Variants in TNRC6B observed in about 807,000 individuals in gnomAD.
TNRC6B encodes the protein trinucleotide repeat-containing gene 6B protein.
Under a neutral mutation model 203.6 loss-of-function variants are expected in TNRC6B, and 52 were observed. The observed-to-expected ratio is 0.26, with a 90% CI of 0.20 to 0.32. TNRC6B has a LOEUF of 0.32. TNRC6B is among the 10% of genes least tolerant of loss of function. The pLI, the probability that TNRC6B is intolerant of heterozygous loss-of-function variation, is 1.00. For missense variants in TNRC6B, 1,923 were observed against 2,286.2 expected, an observed-to-expected ratio of 0.84 and a Z score of 3.24; for synonymous variants, 838 against 845.7, an observed-to-expected ratio of 0.99 and a Z score of 0.16.
chr22:40,251,246 T>G (rs767717454), intron 3 of TNRC6B, 46 bp downstream of exon 3: 1 of 1,461,540 alleles, frequency 6.8e-7, no homozygotes, highest in South Asian at 1.3e-5. Context: ...CCTTTTGTGT[T>G]TAGCTTTTAC....
Position 40,070,883 on chromosome 22 carries a change from GC to G in TNRC6B, c.-121+25887del, listed in dbSNP as rs142370012. The stretch of plus-strand genomic sequence containing the variant: ...AGTCAAATACATTAGTATTTCAGCA[GC>G]CAAAGCTATGACTAAAGTCTAAAGT... On this transcript the variant is annotated intron_variant, in intron 1 of 23. Transcript: ENST00000301923. 5.2e-3 allele frequency among the ~76,000 whole-genome samples: 791 copies of G among 152,098 alleles called. 5 individuals are homozygous for G. Among genetic ancestry groups the G allele is most frequent in the African/African-American group, 0.018 (763 of 41,466 alleles).
At chr22:40,202,925 C>T (rs1427593603) in intron 1 of TNRC6B, among the ~76,000 whole-genome samples, 2 of 152,146 alleles carry the variant, frequency 1.3e-5, no homozygotes, top group African/African-American at 2.4e-5. Flanking sequence ...CCCTTTCCTT[C>T]TCGCCCAGGT....
intron 1 of TNRC6B, among the ~76,000 whole-genome samples, chr22:40,244,429 T>C (rs1310323996): frequency 4.6e-5 from 7 of 152,210 alleles, no homozygotes; most frequent in African/African-American, 1.7e-4. Flanking sequence ...GCAGACAAAG[T>C]CAGTGACAAC....
chr22:40,170,558 TTATATATATTATATATATAGTTTA>T (rs2068970893), intron 4 of TNRC6B, among the ~76,000 whole-genome samples: 2 of 16,356 alleles, frequency 1.2e-4, no homozygotes, highest in Non-Finnish European at 1.8e-4. Flanking sequence ...TATATATAGT[TTATATATATTATATATATAGTTTA>T]TATATATATT....
At chr22:40,130,928 G>A (rs1291219739) in intron 3 of TNRC6B, among the ~76,000 whole-genome samples, 1 of 151,022 alleles carries the variant, frequency 6.6e-6, no homozygotes, top group Non-Finnish European at 1.5e-5. Flanking sequence ...TTGAGACAGA[G>A]TCTCGCTCTG....
chr22:40,307,108 A>T (rs1249370238), intron 15 of TNRC6B, among the ~76,000 whole-genome samples: 1 of 150,076 alleles, frequency 6.7e-6, no homozygotes, highest in Non-Finnish European at 1.5e-5. Context: ...GTGAAAGAAC[A>T]CTGTTCTTTA....
chr22:40,092,460 T>C (rs562754565), intron 1 of TNRC6B, among the ~76,000 whole-genome samples: 1 of 151,842 alleles, frequency 6.6e-6, no homozygotes, highest in South Asian at 2.1e-4. Flanking sequence ...AAACTGAACA[T>C]AGAATAAGTA....
intron 1 of TNRC6B, among the ~76,000 whole-genome samples, chr22:40,202,940 A>G (rs2069432949): frequency 6.6e-6 from 1 of 151,960 alleles, no homozygotes; most frequent in African/African-American, 2.4e-5. Flanking sequence ...CCAGGTTTTC[A>G]CTAATGTTTG....
intron 3 of TNRC6B, among the ~76,000 whole-genome samples, chr22:40,258,040 T>G (rs1051716568): frequency 8.2e-6 from 1 of 122,112 alleles, no homozygotes; most frequent in African/African-American, 2.9e-5. Flanking sequence ...AAGAAGTAAA[T>G]GAATGGAAAT....
At chr22:40,259,596 T>C (rs921349930) in intron 3 of TNRC6B, among the ~76,000 whole-genome samples, 6 of 152,212 alleles carry the variant, frequency 3.9e-5, no homozygotes, top group Admixed American at 1.3e-4. Flanking sequence ...CCACTCCCCC[T>C]CCCCTTACTG....
chr22:40,319,422 C>CTTT (rs374148213), intron 21 of TNRC6B, among the ~76,000 whole-genome samples: 17 of 112,734 alleles, frequency 1.5e-4, no homozygotes, highest in African/African-American at 3.4e-4. Flanking sequence ...CTTTTCTTTT[C>CTTT]TTTTTTTTTT....
At position 40,052,827 on chromosome 22, in the gene TNRC6B, A is replaced by G. The variant is rs531363805; in HGVS notation, c.-121+7829A>G. Among the ~76,000 whole-genome samples, 45 of 152,306 alleles carry G rather than the reference A, an allele frequency of 3.0e-4. No individual in the cohort carries two copies. In the South Asian group the frequency reaches 9.1e-3, roughly 31 times the overall value. ...CTTACCCGCTTTGTATCCCTAGAAC[A>G]GTTTCTGACCAGTTGTGTAGTAGTA... On this transcript the variant is annotated intron_variant, in intron 1 of 23. Coordinates refer to the TNRC6B transcript ENST00000301923.
rs2071355778 is a variant in TNRC6B, at chr22:40,322,973, G to T, written c.5234G>T (p.Gly1745Val). 1 of 1,612,128 alleles carries T rather than the reference G, an allele frequency of 6.2e-7. No individual in the cohort carries two copies. Among genetic ancestry groups the T allele is most frequent in the African/African-American group, 1.3e-5 (1 of 74,930 alleles). Residue 1745 changes from glycine to valine, a missense_variant, in exon 23 of 23, where the codon GGG becomes GTG. Around this residue, in one of 8 missense-constraint regions of TNRC6B, gnomAD observed 126 missense variants for 137.5 expected, o/e 0.92. Coordinates refer to ENST00000454349, the MANE Select transcript of TNRC6B (RefSeq NM_001162501.2). ...PAATPSAPAA[G>V]WQSLETGQNQ... is the part of the protein sequence containing the mutation. ...GCAACCCCAAGTGCGCCAGCTGCGG[G>T]GTGGCAGTCGCTGGAGACCGGCCAG...
chr22:40,094,787 G>A (rs1194430187), intron 1 of TNRC6B, among the ~76,000 whole-genome samples: 1 of 152,194 alleles, frequency 6.6e-6, no homozygotes, highest in Non-Finnish European at 1.5e-5. Flanking sequence ...ATATGCAGCT[G>A]GAATAGTAGC....
intron 4 of TNRC6B, among the ~76,000 whole-genome samples, chr22:40,161,728 T>TATGTGTAAACAAAACACTA (rs2068872816): frequency 6.6e-6 from 1 of 152,230 alleles, no homozygotes; most frequent in Non-Finnish European, 1.5e-5. Context: ...TGTAAACACT[T>TATGTGTAAACAAAACACTA]TATGTGTATT....
intron 1 of TNRC6B, among the ~76,000 whole-genome samples, chr22:40,088,583 T>TG (rs1188211811): frequency 5.8e-4 from 79 of 135,158 alleles, no homozygotes; most frequent in East Asian, 3.0e-3. Flanking sequence ...GGCGGCTACT[T>TG]TTGTGTGTGT....
At position 40,323,187 on chromosome 22, in the gene TNRC6B, C is replaced by T. The variant is rs752749800; in HGVS notation, c.5448C>T (p.Ser1816=). 2.5e-6 allele frequency: 4 copies of T among 1,613,660 alleles called. No homozygotes were observed. In the Admixed American group the frequency reaches 6.7e-5, roughly 27 times the overall value. ...TGGAAGATCCCCATAGGATGGGCAG[C>T]CCTGCTCCTTTACTACCTGGTGACC... is the stretch of plus-strand genomic sequence containing the variant. ...PTVEDPHRMG[S]PAPLLPGDLL... The change falls in exon 23 of 23, where the codon AGC becomes AGT. Residue 1816 remains serine (S), a synonymous_variant. Coordinates refer to ENST00000454349, the MANE Select transcript of TNRC6B (RefSeq NM_001162501.2).
chr22:40,265,991 C>T lies in TNRC6B; in HGVS notation c.1761C>T (p.Asn587=), dbSNP rs745862816. ...NHKAGSSDSH[N]SGRRSYRPTH... ...AAGCAGGAAGTAGTGACAGTCATAA[C>T]TCTGGCCGTCGGTCGTACAGGCCCA... Residue 587 remains asparagine (N), a synonymous_variant, in exon 5 of 23, where the codon AAC becomes AAT. Transcript: ENST00000454349. The T allele has an allele frequency of 6.8e-6, 11 of 1,613,930 alleles. No individual in the cohort carries two copies. Among genetic ancestry groups the T allele is most frequent in the Middle Eastern group, 1.6e-4 (1 of 6,062 alleles).
At chr22:40,131,201 G>GTA (rs2068541919) in intron 3 of TNRC6B, among the ~76,000 whole-genome samples, 1 of 152,142 alleles carries the variant, frequency 6.6e-6, no homozygotes, top group Admixed American at 6.5e-5. Flanking sequence ...ATTACAGGCT[G>GTA]AGCCACTGTG....
Sources: allele counts gnomAD v4.1 joint callset (sites outside exome capture counted in the v4.1 genomes callset), GRCh38; gene constraint gnomAD v4.1.1; regional missense constraint gnomAD v4.1.1; transcripts MANE v1.5; gene names NCBI Gene and HGNC (gene_info 2026-07-23, HGNC 2026-07-21).